The following SOX6 variants were observed in gnomAD, a reference collection of about 807,000 sequenced individuals.
SOX6 encodes transcription factor SOX-6.
SOX6 carries 11 observed loss-of-function variants against 97.8 expected under a neutral mutation model. The observed-to-expected ratio is 0.11, with a 90% CI of 0.07 to 0.19. The LOEUF (loss-of-function observed/expected upper bound fraction) is 0.19, where lower values mean the gene tolerates loss of function less well. Among genes scored for constraint, SOX6 ranks in the 10% least tolerant of loss-of-function variants. SOX6 has a pLI of 1.00. For missense variants in SOX6, 810 were observed against 1,039.5 expected (o/e 0.78, Z 3.04); for synonymous variants, 360 against 371.4 (o/e 0.97, Z 0.35).
chr11:16,009,886 A>G (rs748614054), intron 13 of SOX6, among the ~76,000 whole-genome samples: 21 of 151,980 alleles, frequency 1.4e-4, no homozygotes, highest in African/African-American at 1.9e-4. Context: ...TCATAGAGTC[A>G]ATCTTTTCTA....
chr11:16,111,671 T>A, intron 7 of SOX6, 132 bp downstream of exon 7: 1 of 1,245,768 alleles, frequency 8.0e-7, no homozygotes. Flanking sequence ...ATTCTAATTT[T>A]ACTTTAAAAT....
intron 1 of SOX6, among the ~76,000 whole-genome samples, chr11:16,393,412 A>G (rs1858245014): frequency 7.3e-6 from 1 of 136,798 alleles, no homozygotes; most frequent in Non-Finnish European, 1.6e-5. Flanking sequence ...TTTTCAAAAA[A>G]AATATCCCTC....
chr11:16,038,019 A>G (rs991060054), intron 12 of SOX6, among the ~76,000 whole-genome samples: 4 of 152,210 alleles, frequency 2.6e-5, no homozygotes, highest in African/African-American at 9.6e-5. Context: ...GGAAAATATT[A>G]AAATTTTTTT....
intron 3 of SOX6, among the ~76,000 whole-genome samples, chr11:16,653,829 T>C (rs1275355910): frequency 1.3e-5 from 2 of 152,096 alleles, no homozygotes; most frequent in African/African-American, 4.8e-5. Context: ...AGTTTTACAT[T>C]TGATCTTAGC....
intron 3 of SOX6, among the ~76,000 whole-genome samples, chr11:16,277,541 A>G (rs1010020274): frequency 6.6e-6 from 1 of 152,230 alleles, no homozygotes; most frequent in Admixed American, 6.5e-5. Context: ...GTTACAAAGA[A>G]GCAGATAGAA....
At chr11:16,214,408 T>G (rs1852310697) in intron 4 of SOX6, among the ~76,000 whole-genome samples, 2 of 152,178 alleles carry the variant, frequency 1.3e-5, no homozygotes, top group Non-Finnish European at 2.9e-5. Context: ...TCCTTCTGCA[T>G]CTTATACGCT....
chr11:16,601,582 C>T (rs565900535), intron 4 of SOX6, among the ~76,000 whole-genome samples: 8 of 152,044 alleles, frequency 5.3e-5, no homozygotes, highest in Admixed American at 2.0e-4. Context: ...GATACATAAC[C>T]GAACAAAACA....
intron 3 of SOX6, among the ~76,000 whole-genome samples, chr11:16,256,035 C>A (rs1013715158): frequency 1.3e-5 from 2 of 151,902 alleles, no homozygotes; most frequent in African/African-American, 4.8e-5. Context: ...CACAATCTGC[C>A]AAAATTCATG....
At chr11:16,659,853 G>A (rs1389352486) in intron 3 of SOX6, among the ~76,000 whole-genome samples, 1 of 152,102 alleles carries the variant, frequency 6.6e-6, no homozygotes, top group East Asian at 1.9e-4. Context: ...GTGAGTTTTA[G>A]TAGATTAGAT....
At chr11:16,697,501 G>A (rs755068708) in intron 3 of SOX6, among the ~76,000 whole-genome samples, 2 of 152,142 alleles carry the variant, frequency 1.3e-5, no homozygotes, top group Non-Finnish European at 2.9e-5. Flanking sequence ...AGGCATAGTG[G>A]CACGTGCCTG....
chr11:16,002,707 G>A (rs1222661357), intron 13 of SOX6, among the ~76,000 whole-genome samples: 2 of 152,136 alleles, frequency 1.3e-5, no homozygotes, highest in African/African-American at 4.8e-5. Context: ...ACTGGGCTCA[G>A]GTTCAAGAAG....
At chr11:16,241,555 G>A (rs1006643156) in intron 3 of SOX6, among the ~76,000 whole-genome samples, 1 of 151,974 alleles carries the variant, frequency 6.6e-6, no homozygotes, top group African/African-American at 2.4e-5. Flanking sequence ...TCTGTATCCA[G>A]TGTGTCCTAT....
At chr11:16,444,751 A>G (rs1430823701) in intron 1 of SOX6, among the ~76,000 whole-genome samples, 2 of 150,712 alleles carry the variant, frequency 1.3e-5, no homozygotes, top group African/African-American at 4.9e-5. Flanking sequence ...AGACTATTTA[A>G]TAAGAGGTTA....
At chr11:16,501,586 T>C (rs1448447010) in intron 4 of SOX6, among the ~76,000 whole-genome samples, 1 of 151,606 alleles carries the variant, frequency 6.6e-6, no homozygotes, top group Non-Finnish European at 1.5e-5. Context: ...ATATCCAGGA[T>C]CTAGAAAGAA....
chr11:16,151,594 C>T (rs1279815403), intron 6 of SOX6, among the ~76,000 whole-genome samples: 1 of 152,070 alleles, frequency 6.6e-6, no homozygotes, highest in Non-Finnish European at 1.5e-5. Context: ...GGGAGAGTTT[C>T]ACCCCATAAT....
intron 2 of SOX6, among the ~76,000 whole-genome samples, chr11:16,337,176 C>A (rs1437635): frequency 0.12 from 18,295 of 151,934 alleles, 1,512 homozygotes; most frequent in Middle Eastern, 0.19. Context: ...ATAATAACTC[C>A]TTTCTAAATT....
intron 12 of SOX6, among the ~76,000 whole-genome samples, chr11:16,045,629 C>T (rs1160733304): frequency 6.6e-6 from 1 of 152,158 alleles, no homozygotes; most frequent in African/African-American, 2.4e-5. Flanking sequence ...TGTGTCGTCT[C>T]TTGTGCCATT....
chr11:16,438,863 C>T (rs1859442660), intron 1 of SOX6, among the ~76,000 whole-genome samples: 1 of 152,168 alleles, frequency 6.6e-6, no homozygotes, highest in Non-Finnish European at 1.5e-5. Context: ...CCTCCTGATA[C>T]CTCTTCCAGC....
At chr11:16,065,624 T>C (rs776932984) in intron 9 of SOX6, among the ~76,000 whole-genome samples, 8 of 152,130 alleles carry the variant, frequency 5.3e-5, no homozygotes, top group Non-Finnish European at 1.2e-4. Context: ...AGTGAACTCA[T>C]TTTTAACAAA....
Sources: gnomAD v4.1 joint callset for allele counts (sites outside exome capture counted in the v4.1 genomes callset) on GRCh38, gnomAD v4.1.1 for gene constraint, MANE v1.5 for transcripts, NCBI Gene and HGNC (gene_info 2026-07-23, HGNC 2026-07-21) for gene names.